SVEP1: variants seen among roughly 807,000 people sequenced by gnomAD.
SVEP1 encodes the protein sushi, von Willebrand factor type A, EGF and pentraxin domain-containing protein 1.
Under a neutral mutation model 367.3 loss-of-function variants are expected in SVEP1, and 164 were observed. The observed-to-expected ratio is 0.45, with a 90% CI of 0.39 to 0.51. SVEP1 has a LOEUF of 0.51. Among genes scored for constraint, SVEP1 ranks in the 20% least tolerant of loss-of-function variants. The pLI is 0.00. For synonymous variants in SVEP1, 1,666 were observed against 1,611.6 expected, an observed-to-expected ratio of 1.03 and a Z score of -0.81; for missense variants, 4,117 against 4,425.3, an observed-to-expected ratio of 0.93 and a Z score of 1.98.
At position 110,392,133 on chromosome 9, in the gene SVEP1, T is replaced by TTTTATATATATATATATATATA. The variant is rs1554710906; in HGVS notation, c.9823-2547_9823-2546insTATATATATATATATATATAAA. 8.7e-3 allele frequency among the ~76,000 whole-genome samples: 862 copies of TTTTATATATATATATATATATA among 99,256 alleles called. 47 individuals are homozygous for TTTTATATATATATATATATATA. The highest frequency in any genetic ancestry group is 0.075 in the East Asian group (231 of 3,092). 65.1% of individuals were successfully genotyped at this position (99,256 alleles called of 152,430 possible). A position where few individuals can be genotyped will look rare whatever the true frequency, so the allele number is the denominator to read the frequency against. On this transcript the variant is annotated intron_variant, in intron 40 of 47. Transcript: ENST00000374469. ...CATTAACTTGTGACCCAATTCCTCA[T>TTTTATATATATATATATATATA]TATATATATATATATATATATCTCT...
rs1445863788 is a variant in SVEP1 at position 110,393,313 on chromosome 9, G to A, written c.9823-3726C>T. Among the ~76,000 whole-genome samples, 3 of 152,184 alleles carry A rather than the reference G, an allele frequency of 2.0e-5. No homozygotes were observed. The East Asian group carries it at 5.8e-4, about 29-fold the overall frequency. ...ATATATATAAGCCTGGTCCCAGACTGCATATACCTATCATATGATAATTCT... is the reference window on the plus strand; with the variant it reads ...ATATATATAAGCCTGGTCCCAGACTACATATACCTATCATATGATAATTCT... On this transcript the variant is annotated intron_variant, in intron 40 of 47. Transcript: ENST00000374469.
chr9:110,399,962 C>T (rs987108410), intron 40 of SVEP1, among the ~76,000 whole-genome samples: 1 of 152,208 alleles, frequency 6.6e-6, no homozygotes, highest in Non-Finnish European at 1.5e-5. Context: ...GTAATGCTTT[C>T]AGCAAAACTG....
rs1828000093 is a variant in SVEP1 at position 110,408,884 on chromosome 9, C to T, written c.6716G>A (p.Gly2239Glu). The T allele has an allele frequency of 6.2e-7, 1 of 1,613,238 alleles. No homozygotes were observed. The highest frequency in any genetic ancestry group is 1.3e-5 in the African/African-American group (1 of 74,912). The change falls in exon 38 of 48, where the codon GGA (glycine) becomes GAA (glutamate). Residue 2239 changes from glycine (G) to glutamate (E), a missense_variant. Gly to Glu is a moderately conservative substitution (Grantham distance 98). Around this residue, in one of 4 missense-constraint regions of SVEP1, gnomAD observed 1,765 missense variants for 1,781.1 expected, o/e 0.99. Transcript: ENST00000374469. ...GGCTTGGCAGACAAATACAGGACTT[C>T]CGACTGACTTATAGCCCGGGTTACA... ...YQCNPGYKSV[G>E]SPVFVCQANR...
chr9:110,379,311 T>C (rs1397784665), intron 44 of SVEP1, 36 bp downstream of exon 44: 1 of 1,601,962 alleles, frequency 6.2e-7, no homozygotes, highest in East Asian at 2.2e-5. Flanking sequence ...TTCCCTGCAG[T>C]TTCACTAAGA....
At chr9:110,392,080 C>T (rs1196946516) in intron 40 of SVEP1, among the ~76,000 whole-genome samples, 2 of 149,146 alleles carry the variant, frequency 1.3e-5, no homozygotes, top group East Asian at 4.0e-4. Context: ...CTCCAGTTTG[C>T]AGAGAGAAGA....
At chr9:110,452,801 T>C (rs555980903) in intron 22 of SVEP1, among the ~76,000 whole-genome samples, 67 of 152,348 alleles carry the variant, frequency 4.4e-4, no homozygotes, top group African/African-American at 1.5e-3. Context: ...GAGTATGCTA[T>C]CACTTTATCA....
At chr9:110,515,241 T>A (rs901760881) in intron 3 of SVEP1, among the ~76,000 whole-genome samples, 1 of 152,010 alleles carries the variant, frequency 6.6e-6, no homozygotes, top group African/African-American at 2.4e-5. Flanking sequence ...TAGTCCCAGG[T>A]TGCATTTCAT....
intron 12 of SVEP1, among the ~76,000 whole-genome samples, chr9:110,480,740 T>C (rs779287025): frequency 5.9e-5 from 9 of 151,936 alleles, no homozygotes; most frequent in Non-Finnish European, 1.2e-4. Flanking sequence ...CAAGCGACTT[T>C]CCCAACTTAG....
At chr9:110,502,980 G>C in intron 6 of SVEP1, 58 bp downstream of exon 6, 8 of 1,544,000 alleles carry the variant, frequency 5.2e-6, no homozygotes, top group Non-Finnish European at 7.0e-6. Flanking sequence ...CAGAATACTG[G>C]AGAAATCAGA....
At chr9:110,442,461 C>CTTTTTTTT (rs11290774) in intron 27 of SVEP1, 1 of 133,470 alleles carries the variant, frequency 7.5e-6, no homozygotes, top group Non-Finnish European at 1.6e-5. Flanking sequence ...TTTCTTTTTT[C>CTTTTTTTT]TTTTTTTTTT....
At chr9:110,487,428 T>C (rs1017836512) in intron 9 of SVEP1, among the ~76,000 whole-genome samples, 1 of 152,230 alleles carries the variant, frequency 6.6e-6, no homozygotes. Flanking sequence ...CAACATATTT[T>C]TCATGCAAAT....
chr9:110,456,019 A>T (rs191331412), intron 21 of SVEP1, among the ~76,000 whole-genome samples: 1 of 152,314 alleles, frequency 6.6e-6, no homozygotes, highest in East Asian at 1.9e-4. Flanking sequence ...TTACAATATC[A>T]TCTGTATGTG....
chr9:110,388,507 A>G (rs1827560981), intron 41 of SVEP1, among the ~76,000 whole-genome samples: 2 of 152,084 alleles, frequency 1.3e-5, no homozygotes, highest in Admixed American at 6.6e-5. Context: ...ACTGAGGGCT[A>G]CTTTTCAGTA....
chr9:110,436,625 C>CA, intron 27 of SVEP1, 121 bp from the exon 28 acceptor site: 1 of 1,380,870 alleles, frequency 7.2e-7, no homozygotes, highest in Non-Finnish European at 9.6e-7. Context: ...TACTGAAAAG[C>CA]AAAATTCTGT....
chr9:110,557,944 G>A (rs2118865358), intron 1 of SVEP1, among the ~76,000 whole-genome samples: 1 of 152,206 alleles, frequency 6.6e-6, no homozygotes, highest in Non-Finnish European at 1.5e-5. Context: ...AGCCACATAT[G>A]GCTATTGAGC....
In SVEP1 at chr9:110,368,445, G is replaced by A. The variant is rs562537787; in HGVS notation, c.10694+1478C>T. ...TAATTTGCCATTATTTTTCTTGGAT[G>A]CCTATATCAAACTTTTGCGTAAAAA... On this transcript the variant is annotated intron_variant, in intron 47 of 47. Transcript: ENST00000374469. Among the ~76,000 whole-genome samples, 70 of 152,244 alleles carry A rather than the reference G, an allele frequency of 4.6e-4. 1 individual carries two copies. Among genetic ancestry groups the A allele is most frequent in the Admixed American group, 4.3e-3 (65 of 15,286 alleles).
intron 44 of SVEP1, among the ~76,000 whole-genome samples, chr9:110,378,385 C>T (rs1019312254): frequency 6.6e-6 from 1 of 152,178 alleles, no homozygotes; most frequent in Non-Finnish European, 1.5e-5. Context: ...TCTTTTGAGG[C>T]TCATGCCATT....
At chr9:110,368,966 A>C (rs1294250415) in intron 47 of SVEP1, among the ~76,000 whole-genome samples, 1 of 150,436 alleles carries the variant, frequency 6.6e-6, no homozygotes, top group Non-Finnish European at 1.5e-5. Flanking sequence ...ACAAATCAGG[A>C]AATGAAAAAT....
chr9:110,565,858 C>T (rs1830485716), intron 1 of SVEP1, among the ~76,000 whole-genome samples: 1 of 151,986 alleles, frequency 6.6e-6, no homozygotes, highest in African/African-American at 2.4e-5. Context: ...CTAGATCTGA[C>T]AACATGACAT....
Sources: gnomAD v4.1 joint callset for allele counts (sites outside exome capture counted in the v4.1 genomes callset) on GRCh38, gnomAD v4.1.1 for gene constraint, gnomAD v4.1.1 regional missense constraint, MANE v1.5 for transcripts, NCBI Gene and HGNC (gene_info 2026-07-23, HGNC 2026-07-21) for gene names.